GPC3: variants seen among roughly 807,000 people sequenced by gnomAD.
GPC3 encodes the protein glypican-3.
In GPC3, 3 loss-of-function variants were observed where a neutral mutation model predicts 34.4. The observed-to-expected ratio is 0.09, with a 90% CI of 0.04 to 0.23. The LOEUF is 0.23. Among genes scored for constraint, GPC3 ranks in the 10% least tolerant of loss-of-function variants. GPC3 has a pLI of 1.00. For missense variants in GPC3, 351 were observed against 445.6 expected (o/e 0.79, Z 1.91); for synonymous variants, 177 against 174.0 (o/e 1.02, Z -0.13).
chrX:133,902,127 A>T (rs1569452559), intron 2 of GPC3, among the ~76,000 whole-genome samples: 1 of 112,516 alleles, frequency 8.9e-6, no homozygotes, highest in African/African-American at 3.2e-5. Flanking sequence ...AAATATTTTG[A>T]ATTAACCAAA....
intron 2 of GPC3, among the ~76,000 whole-genome samples, chrX:133,775,017 C>T (rs1456912327): frequency 2.7e-5 from 3 of 111,967 alleles, no homozygotes. Context: ...CACATTCTTT[C>T]TTCTACTGTG....
At chrX:133,548,945 T>G (rs911661481) in intron 7 of GPC3, among the ~76,000 whole-genome samples, 1 of 111,777 alleles carries the variant, frequency 8.9e-6, no homozygotes, top group Non-Finnish European at 1.9e-5. Context: ...TGTAAGTCCA[T>G]TAAGTCTCTT....
At chrX:133,906,212 G>C (rs1219289852) in intron 2 of GPC3, among the ~76,000 whole-genome samples, 1 of 111,682 alleles carries the variant, frequency 9.0e-6, no homozygotes, top group East Asian at 2.8e-4. Flanking sequence ...GAAAAAAAAT[G>C]CAAGTGACAA....
Position 133,540,915 on chromosome X carries a change from GGTGTGTGTGTGTGTGTGT to G in GPC3, c.1574-4640_1574-4623del, listed in dbSNP as rs369378252. Among the ~76,000 whole-genome samples, 17 of 91,706 alleles carry G rather than the reference GGTGTGTGTGTGTGTGTGT, an allele frequency of 1.9e-4. No homozygotes were observed. The East Asian group carries it at 5.2e-3, about 28-fold the overall frequency. 79.6% of individuals were successfully genotyped at this position (91,706 alleles called of 115,157 possible). ...GGAGCCACAGAATGGACATTGTTGT[GGTGTGTGTGTGTGTGTGT>G]GTGTGTGTGTGTGTGTGTGTGTGCG... On this transcript the variant is annotated intron_variant, in intron 7 of 7. Transcript: ENST00000370818.
intron 6 of GPC3, among the ~76,000 whole-genome samples, chrX:133,597,606 C>T (rs1364955818): frequency 9.0e-6 from 1 of 111,528 alleles, no homozygotes; most frequent in African/African-American, 3.3e-5. Flanking sequence ...CGGTTTCCAT[C>T]GTCCCTATGT....
At chrX:133,748,921 A>G (rs1016395076) in intron 3 of GPC3, among the ~76,000 whole-genome samples, 1 of 111,592 alleles carries the variant, frequency 9.0e-6, no homozygotes, top group Non-Finnish European at 1.9e-5. Flanking sequence ...AGGTGGCTGG[A>G]TTTGCTCCCA....
At chrX:133,825,001 G>C (rs1218925247) in intron 2 of GPC3, among the ~76,000 whole-genome samples, 1 of 111,615 alleles carries the variant, frequency 9.0e-6, no homozygotes, top group East Asian at 2.8e-4. Context: ...GACTTCAGGC[G>C]TGTGCCACCA....
chrX:133,804,209 T>G (rs2075624768), intron 2 of GPC3, among the ~76,000 whole-genome samples: 1 of 111,581 alleles, frequency 9.0e-6, no homozygotes, highest in Non-Finnish European at 1.9e-5. Flanking sequence ...TATGATCCCC[T>G]TTAGAGGCAA....
intron 3 of GPC3, among the ~76,000 whole-genome samples, chrX:133,729,843 G>A (rs780476472): frequency 2.2e-4 from 25 of 112,235 alleles, no homozygotes; most frequent in African/African-American, 7.7e-4. Context: ...AATTAACGCT[G>A]ATACTTTGAA....
At chrX:133,673,319 T>A (rs7885776) in intron 5 of GPC3, among the ~76,000 whole-genome samples, 1,905 of 112,512 alleles carry the variant, frequency 0.017, 36 homozygotes, top group African/African-American at 0.058. Context: ...CAGCCCAATG[T>A]TCTCCTCTTA....
intron 5 of GPC3, among the ~76,000 whole-genome samples, chrX:133,675,657 C>T (rs1272868682): frequency 8.9e-6 from 1 of 112,058 alleles, no homozygotes; most frequent in Non-Finnish European, 1.9e-5. Flanking sequence ...ACCTGTTGCC[C>T]CTGGGGCCTT....
chrX:133,593,962 G>T (rs898696868), intron 7 of GPC3, among the ~76,000 whole-genome samples: 22 of 110,923 alleles, frequency 2.0e-4, no homozygotes, highest in African/African-American at 7.2e-4. Flanking sequence ...TGGGCATAGT[G>T]GTGCACACCT....
At chrX:133,942,089 T>C (rs769302884) in intron 2 of GPC3, among the ~76,000 whole-genome samples, 1 of 111,919 alleles carries the variant, frequency 8.9e-6, no homozygotes, top group African/African-American at 3.2e-5. Context: ...TTATTTCACA[T>C]TGTATGCCTG....
chrX:133,794,966 C>T (rs1241254013), intron 2 of GPC3, among the ~76,000 whole-genome samples: 1 of 111,980 alleles, frequency 8.9e-6, no homozygotes, highest in Non-Finnish European at 1.9e-5. Flanking sequence ...CTATGAACCG[C>T]TAGAGGGTCA....
At chrX:133,879,068 T>C (rs1172744940) in intron 2 of GPC3, among the ~76,000 whole-genome samples, 3 of 110,979 alleles carry the variant, frequency 2.7e-5, no homozygotes, top group Admixed American at 9.6e-5. Flanking sequence ...AATGTTAAAA[T>C]GTGTTTGCTG....
At chrX:133,928,584 C>T (rs1365025102) in intron 2 of GPC3, among the ~76,000 whole-genome samples, 1 of 111,938 alleles carries the variant, frequency 8.9e-6, no homozygotes, top group Admixed American at 9.5e-5. Context: ...TCCCTACACC[C>T]TTGTCAACAC....
At position 133,941,868 on chromosome X, in the gene GPC3, C is replaced by A. The variant is rs1279807005; in HGVS notation, c.337+11182G>T. ...TTGTTACAAATCAATAAGAAAAGGA[C>A]AACTAGTAAGGGACAAGTTATACTT... On this transcript the variant is annotated intron_variant, in intron 2 of 7. Transcript: ENST00000370818. 8.0e-5 allele frequency among the ~76,000 whole-genome samples: 9 copies of A among 112,155 alleles called. No homozygotes were observed. The Admixed American group carries it at 8.5e-4, about 11-fold the overall frequency.
chrX:133,739,617 G>A (rs2071545228), intron 3 of GPC3, among the ~76,000 whole-genome samples: 2 of 111,012 alleles, frequency 1.8e-5, no homozygotes, highest in African/African-American at 6.6e-5. Context: ...AGGCTGAGGT[G>A]GGAGGATCAC....
chrX:133,538,899 T>C (rs1603141756), intron 7 of GPC3, among the ~76,000 whole-genome samples: 3 of 102,779 alleles, frequency 2.9e-5, no homozygotes, highest in Admixed American at 1.1e-4. Flanking sequence ...TTTTTTTTTT[T>C]TTCTAGAGAC....
Sources: gnomAD v4.1 joint callset for allele counts (sites outside exome capture counted in the v4.1 genomes callset) on GRCh38, gnomAD v4.1.1 for gene constraint, MANE v1.5 for transcripts, NCBI Gene and HGNC (gene_info 2026-07-23, HGNC 2026-07-21) for gene names.